ZC3H13: variants seen among roughly 807,000 people sequenced by gnomAD.
ZC3H13 encodes the protein zinc finger CCCH domain-containing protein 13.
In ZC3H13, 64 loss-of-function variants were observed where a neutral mutation model predicts 204.1. That is an observed-to-expected ratio of 0.31 (90% CI 0.26 to 0.39). The LOEUF is 0.39. ZC3H13 is among the 10% of genes least tolerant of loss of function. The probability of loss-of-function intolerance (pLI) is 1.00; values close to 1 mark genes in which losing one functional copy is unlikely to be tolerated. For missense variants in ZC3H13, 1,833 were observed against 2,082.7 expected (o/e 0.88, Z 2.33); for synonymous variants, 667 against 693.7 (o/e 0.96, Z 0.60).
intron 4 of ZC3H13, among the ~76,000 whole-genome samples, chr13:46,030,146 G>A (rs2042801625): frequency 6.6e-6 from 1 of 150,940 alleles, no homozygotes; most frequent in African/African-American, 2.4e-5. Context: ...TATATCAATA[G>A]CTATAGGAAA....
At chr13:46,050,835 C>A (rs944267069) in intron 1 of ZC3H13, among the ~76,000 whole-genome samples, 1 of 150,410 alleles carries the variant, frequency 6.6e-6, no homozygotes, top group Non-Finnish European at 1.5e-5. Flanking sequence ...AGACTGTGCA[C>A]AGAAAACATC....
chr13:45,955,249 A>G lies in ZC3H13; in HGVS notation c.*1878T>C, dbSNP rs1424333445. 6.6e-6 allele frequency: 1 copy of G among 152,214 alleles called. No individual in the cohort carries two copies. The highest frequency in any genetic ancestry group is 2.4e-5 in the African/African-American group (1 of 41,462). 9.4% of individuals were successfully genotyped at this position (152,214 alleles called of 1,614,324 possible). A position where few individuals can be genotyped will look rare whatever the true frequency, so the allele number is the denominator to read the frequency against. ...GAAATTCAATCAAAAATTTTGCTTT[A>G]GAAAAATTTTATAGGTATATGTTAC... On this transcript the variant is annotated 3_prime_UTR_variant, in exon 19 of 19. Transcript: ENST00000679008.
At chr13:45,970,837 A>T (rs1160266111) in intron 12 of ZC3H13, among the ~76,000 whole-genome samples, 1 of 152,244 alleles carries the variant, frequency 6.6e-6, no homozygotes, top group African/African-American at 2.4e-5. Flanking sequence ...AAAATGCCTT[A>T]TGCTGCAGAG....
chr13:46,018,570 AAAG>A (rs1282524626), intron 5 of ZC3H13, among the ~76,000 whole-genome samples: 2 of 152,128 alleles, frequency 1.3e-5, no homozygotes, highest in African/African-American at 4.8e-5. Flanking sequence ...GGGAAGTAAA[AAAG>A]TTTAGGCACA....
intron 4 of ZC3H13, among the ~76,000 whole-genome samples, chr13:46,024,728 C>CT (rs66498813): frequency 7.6e-4 from 113 of 147,796 alleles, no homozygotes; most frequent in Admixed American, 2.2e-3. Flanking sequence ...CTCCAACATT[C>CT]TTTTTTTTTT....
At position 45,967,700 on chromosome 13, in the gene ZC3H13, T is replaced by C. The variant is rs752355889; in HGVS notation, c.4125A>G (p.Arg1375=). The C allele has an allele frequency of 8.7e-6, 14 of 1,613,970 alleles. No homozygotes were observed. Among genetic ancestry groups the C allele is most frequent in the Non-Finnish European group, 1.0e-5 (12 of 1,180,004 alleles). Residue 1375 remains arginine (R), a synonymous_variant, in exon 15 of 19, where the codon AGA becomes AGG. Coordinates refer to ENST00000679008, the MANE Select transcript of ZC3H13 (RefSeq NM_001330564.2). ...DSVERDRDRD[R]DRTFESSQIE... ...TTTGAGAACTCTCAAAAGTTCTGTC[T>C]CTGTCTCTGTCCCTGTCCCTTTCAA...
Position 45,975,579 on chromosome 13 carries a change from ATCTC to A in ZC3H13, c.2168_2171del (p.Arg723IlefsTer141). On this transcript the variant is annotated frameshift_variant, in exon 12 of 19. Transcript: ENST00000679008. LOFTEE classifies it high-confidence loss of function. ...GGTCTCGGTCTCTATCCCTTTCACG[ATCTC>A]TCTCTTTTTCTCTTTCTCTCTCCCG... The A allele has an allele frequency of 1.9e-6, 3 of 1,556,422 alleles. No individual in the cohort carries two copies. The highest frequency in any genetic ancestry group is 2.6e-6 in the Non-Finnish European group (3 of 1,153,500).
At position 45,997,333 on chromosome 13, in the gene ZC3H13, C is replaced by T. The variant is rs1057223125; in HGVS notation, c.944+5806G>A. Among the ~76,000 whole-genome samples the T allele has an allele frequency of 2.6e-5, 4 of 152,294 alleles. No individual in the cohort carries two copies. In the East Asian group the frequency reaches 7.7e-4, roughly 29 times the overall value. On this transcript the variant is annotated intron_variant, in intron 8 of 18. Coordinates refer to ENST00000679008, the MANE Select transcript of ZC3H13 (RefSeq NM_001330564.2). Reference sequence around the variant, plus strand: ...CCAATGACAGTTTGGGAGGAAAGTACTCAAATCCTTGACATCAGGTTAGTG... The same window carrying T: ...CCAATGACAGTTTGGGAGGAAAGTATTCAAATCCTTGACATCAGGTTAGTG...
chr13:46,021,689 G>A (rs1333892693), intron 4 of ZC3H13, among the ~76,000 whole-genome samples: 3 of 151,936 alleles, frequency 2.0e-5, no homozygotes, highest in African/African-American at 7.2e-5. Context: ...AAAATAATTT[G>A]TAAGTTATAT....
At chr13:46,041,026 T>C (rs61587358) in intron 4 of ZC3H13, among the ~76,000 whole-genome samples, 2,255 of 152,232 alleles carry the variant, frequency 0.015, 20 homozygotes, top group South Asian at 0.053. Context: ...TAGAAGTTCA[T>C]TAAAAGGTTA....
intron 8 of ZC3H13, among the ~76,000 whole-genome samples, chr13:45,995,531 T>C (rs1333666349): frequency 2.0e-5 from 3 of 152,190 alleles, no homozygotes; most frequent in Non-Finnish European, 4.4e-5. Flanking sequence ...TTTGGCTATA[T>C]TACAAACCCC....
chr13:46,038,061 G>A lies in ZC3H13; in HGVS notation c.339+4103C>T, dbSNP rs78612830. Among the ~76,000 whole-genome samples, 1,144 of 152,258 alleles carry A rather than the reference G, an allele frequency of 7.5e-3. 15 individuals carry two copies. Among genetic ancestry groups the A allele is most frequent in the African/African-American group, 0.027 (1,104 of 41,536 alleles). On this transcript the variant is annotated intron_variant, in intron 4 of 18. Coordinates refer to ENST00000679008, the MANE Select transcript of ZC3H13 (RefSeq NM_001330564.2). ...AACTTACTAGTTCCAGGGTCTGGAG[G>A]TAAACTGGTGAGCAAGACAGATCTC...
At chr13:45,963,174 TTAAG>T in intron 17 of ZC3H13, 1 of 971,502 alleles carries the variant, frequency 1.0e-6, no homozygotes, top group Non-Finnish European at 1.2e-6. Context: ...AACACACAGA[TTAAG>T]TAATAGCCAG....
At chr13:45,990,711 A>G (rs1397719541) in intron 8 of ZC3H13, among the ~76,000 whole-genome samples, 1 of 152,164 alleles carries the variant, frequency 6.6e-6, no homozygotes, top group Non-Finnish European at 1.5e-5. Context: ...ATCTAAATGC[A>G]TCCTACTGAA....
At chr13:45,962,847 TC>T (rs1354824557) in intron 17 of ZC3H13, 2 of 985,186 alleles carry the variant, frequency 2.0e-6, no homozygotes, top group Admixed American at 6.2e-5. Flanking sequence ...TACTCGTCCC[TC>T]CCCATTAATA....
chr13:46,014,356 C>T (rs1237840857), intron 5 of ZC3H13, among the ~76,000 whole-genome samples: 1 of 152,022 alleles, frequency 6.6e-6, no homozygotes, highest in African/African-American at 2.4e-5. Flanking sequence ...TCCCCTCACC[C>T]CCCATCCCCA....
chr13:45,986,288 T>C (rs1246948950), intron 9 of ZC3H13, among the ~76,000 whole-genome samples: 2 of 152,168 alleles, frequency 1.3e-5, no homozygotes, highest in Non-Finnish European at 2.9e-5. Context: ...TCTTTAAAGC[T>C]TTCTCTACTT....
intron 7 of ZC3H13, among the ~76,000 whole-genome samples, chr13:46,005,802 T>C (rs1216521441): frequency 1.3e-5 from 2 of 152,118 alleles, no homozygotes; most frequent in African/African-American, 4.8e-5. Flanking sequence ...TTTTAAAATA[T>C]TGTTGTTCAG....
chr13:45,970,676 TTTC>T (rs1441083169), intron 12 of ZC3H13, among the ~76,000 whole-genome samples: 1 of 152,184 alleles, frequency 6.6e-6, no homozygotes, highest in Non-Finnish European at 1.5e-5. Flanking sequence ...ATACACAACA[TTTC>T]TTCTTCTTCT....
Sources: gnomAD v4.1 joint callset for allele counts (sites outside exome capture counted in the v4.1 genomes callset) on GRCh38, gnomAD v4.1.1 for gene constraint, MANE v1.5 for transcripts, NCBI Gene and HGNC (gene_info 2026-07-23, HGNC 2026-07-21) for gene names.